The following RGS7 variants were observed in gnomAD, a reference collection of about 807,000 sequenced individuals.
RGS7 encodes regulator of G-protein signaling 7.
A neutral mutation model predicts 81.1 loss-of-function variants in RGS7; 27 were observed. The ratio of observed to expected loss-of-function variants is 0.33; its 90% CI spans 0.25 to 0.46. The LOEUF is 0.46. Among genes scored for constraint, RGS7 ranks in the 20% least tolerant of loss-of-function variants. RGS7 has a pLI of 1.00. For missense variants in RGS7, 396 were observed against 607.4 expected (o/e 0.65, Z 3.66); for synonymous variants, 208 against 207.7 (o/e 1.00, Z -0.01).
chr1:241,238,787 T>A lies in RGS7; in HGVS notation c.78+116912A>T, dbSNP rs2076114540. On this transcript the variant is annotated intron_variant, in intron 2 of 18. Coordinates refer to ENST00000440928, the MANE Select transcript of RGS7 (RefSeq NM_001364886.1). ...ACAATATGAAAAATAAAAAGATAAT[T>A]AAGAATTTCACAAAGCAAATATATG... Among the ~76,000 whole-genome samples the A allele has an allele frequency of 2.0e-5, 3 of 152,180 alleles. No homozygotes were observed. The South Asian group carries it at 6.2e-4, about 32-fold the overall frequency.
rs35447784 is a variant in RGS7, at chr1:241,343,261, C to CAA, written c.78+12436_78+12437dup. ...TGGGCGACAGAGCGAGACTGTGTCT[C>CAA]AAAAAAAAAAAAAAAATTAAAAGTA... On this transcript the variant is annotated intron_variant, in intron 2 of 18. Transcript: ENST00000440928. Among the ~76,000 whole-genome samples, 883 of 136,442 alleles carry CAA rather than the reference C, an allele frequency of 6.5e-3. 4 individuals carry two copies. Among genetic ancestry groups the CAA allele is most frequent in the African/African-American group, 0.015 (530 of 36,476 alleles). 89.5% of individuals were successfully genotyped at this position (136,442 alleles called of 152,430 possible).
intron 3 of RGS7, 37 bp from the exon 4 acceptor site, chr1:240,983,166 A>T: frequency 8.2e-7 from 1 of 1,219,314 alleles, no homozygotes; most frequent in South Asian, 1.3e-5. Flanking sequence ...AACAGATGTG[A>T]ACATTTTGTT....
intron 2 of RGS7, among the ~76,000 whole-genome samples, chr1:241,155,906 T>A (rs1234140673): frequency 1.3e-5 from 2 of 152,190 alleles, no homozygotes. Context: ...CTCTTCTCCG[T>A]AAGCCTCAAG....
intron 2 of RGS7, among the ~76,000 whole-genome samples, chr1:241,107,127 G>A (rs79260140): frequency 0.015 from 2,286 of 152,218 alleles, 63 homozygotes; most frequent in African/African-American, 0.052. Flanking sequence ...TAAGCAGCCC[G>A]CCTTTAGGGC....
chr1:240,920,245 C>G (rs1358727203), intron 6 of RGS7: 2 of 1,244,594 alleles, frequency 1.6e-6, no homozygotes, highest in African/African-American at 2.9e-5. Context: ...CGAAGTGGTT[C>G]TGGAAACTTT....
intron 3 of RGS7, among the ~76,000 whole-genome samples, chr1:240,990,130 A>C (rs571882495): frequency 6.6e-6 from 1 of 152,230 alleles, no homozygotes; most frequent in Admixed American, 6.5e-5. Flanking sequence ...GTATCAGCCA[A>C]CTGTGGCAAG....
chr1:241,044,114 T>A (rs964387237), intron 3 of RGS7, among the ~76,000 whole-genome samples: 6 of 84,818 alleles, frequency 7.1e-5, no homozygotes, highest in Non-Finnish European at 5.7e-5. Context: ...TTTTTTTTGT[T>A]TTTTTTTTTT....
intron 3 of RGS7, among the ~76,000 whole-genome samples, chr1:241,059,829 C>A (rs574261083): frequency 6.6e-6 from 1 of 152,274 alleles, no homozygotes; most frequent in African/African-American, 2.4e-5. Flanking sequence ...CAAAATGGAA[C>A]TGATCCTCTT....
Position 241,203,062 on chromosome 1 carries a change from G to C in RGS7, c.79-104300C>G, listed in dbSNP as rs146410379. The stretch of plus-strand genomic sequence containing the variant: ...GCAGCTCTTGAGGGGTCCATCCTGA[G>C]TTGCTTTGTTCTGATCACTTAGCAT... On this transcript the variant is annotated intron_variant, in intron 2 of 18. Coordinates refer to ENST00000440928, the MANE Select transcript of RGS7 (RefSeq NM_001364886.1). Among the ~76,000 whole-genome samples, 108 of 152,174 alleles carry C rather than the reference G, an allele frequency of 7.1e-4. 1 individual carries two copies. Among genetic ancestry groups the C allele is most frequent in the African/African-American group, 2.3e-3 (95 of 41,528 alleles).
chr1:240,939,951 G>C (rs890730251), intron 4 of RGS7, among the ~76,000 whole-genome samples: 2 of 152,028 alleles, frequency 1.3e-5, no homozygotes, highest in African/African-American at 2.4e-5. Context: ...ATGGTGGCAG[G>C]CATCTGTAAT....
At chr1:240,974,939 C>T (rs560796956) in intron 4 of RGS7, among the ~76,000 whole-genome samples, 1 of 151,910 alleles carries the variant, frequency 6.6e-6, no homozygotes, top group Non-Finnish European at 1.5e-5. Context: ...TTAATTTGCC[C>T]AATGCCTGTA....
chr1:241,291,681 T>A lies in RGS7; in HGVS notation c.78+64018A>T, dbSNP rs185425760. Among the ~76,000 whole-genome samples, 150 of 150,896 alleles carry A rather than the reference T, an allele frequency of 9.9e-4. 1 individual carries two copies. The highest frequency in any genetic ancestry group is 3.4e-3 in the Middle Eastern group (1 of 290). The stretch of plus-strand genomic sequence containing the variant: ...GAAACCTCTGTGTCCCAGGTTCAAG[T>A]GATTCTCCTGCCTCAGCCTCCCGAG... On this transcript the variant is annotated intron_variant, in intron 2 of 18. Coordinates refer to ENST00000440928, the MANE Select transcript of RGS7 (RefSeq NM_001364886.1).
intron 6 of RGS7, among the ~76,000 whole-genome samples, chr1:240,878,489 C>CTTTTTT (rs57896753): frequency 2.6e-4 from 30 of 117,514 alleles, no homozygotes; most frequent in Non-Finnish European, 3.2e-4. Flanking sequence ...TTTTTTCTTT[C>CTTTTTT]TTTTTTTTTT....
chr1:240,958,424 AT>A (rs1680799929), intron 4 of RGS7, among the ~76,000 whole-genome samples: 2 of 152,200 alleles, frequency 1.3e-5, no homozygotes, highest in Non-Finnish European at 2.9e-5. Context: ...TAACTGACAC[AT>A]CTTTTCATCA....
intron 3 of RGS7, among the ~76,000 whole-genome samples, chr1:240,990,754 T>A (rs1448311691): frequency 6.6e-6 from 1 of 152,224 alleles, no homozygotes; most frequent in Non-Finnish European, 1.5e-5. Flanking sequence ...ATAACACCTA[T>A]GAAATCTCAA....
At chr1:241,345,539 G>A (rs182137395) in intron 2 of RGS7, among the ~76,000 whole-genome samples, 1 of 152,124 alleles carries the variant, frequency 6.6e-6, no homozygotes, top group East Asian at 1.9e-4. Context: ...ATATTTATCT[G>A]GAAATAACTA....
chr1:241,302,600 G>A (rs2079838562), intron 2 of RGS7, among the ~76,000 whole-genome samples: 2 of 152,236 alleles, frequency 1.3e-5, no homozygotes, highest in Admixed American at 6.5e-5. Context: ...CAGATAGGGA[G>A]CACCTTGGGA....
chr1:240,991,543 A>G (rs1686459372), intron 3 of RGS7, among the ~76,000 whole-genome samples: 1 of 152,226 alleles, frequency 6.6e-6, no homozygotes, highest in South Asian at 2.1e-4. Context: ...GAAGGAAAAT[A>G]GGGTTCCTTG....
chr1:240,937,499 GACA>G (rs761027780), intron 4 of RGS7, among the ~76,000 whole-genome samples: 11 of 152,230 alleles, frequency 7.2e-5, no homozygotes, highest in Non-Finnish European at 1.2e-4. Flanking sequence ...CTCATCCAAT[GACA>G]ACAAGTCCAT....
Sources: allele counts gnomAD v4.1 joint callset (sites outside exome capture counted in the v4.1 genomes callset), GRCh38; gene constraint gnomAD v4.1.1; transcripts MANE v1.5; gene names NCBI Gene and HGNC (gene_info 2026-07-23, HGNC 2026-07-21).